THSD7B: variants seen among roughly 807,000 people sequenced by gnomAD.
The protein encoded by THSD7B is thrombospondin type 1 domain containing 7B, also known as thrombospondin type-1 domain-containing protein 7B.
THSD7B carries 138 observed loss-of-function variants against 213.6 expected under a neutral mutation model. That is an observed-to-expected ratio of 0.65 (90% CI 0.56 to 0.74). THSD7B has a LOEUF of 0.74. Among genes scored for constraint, THSD7B ranks in the 30% least tolerant of loss-of-function variants. The probability of loss-of-function intolerance (pLI) is 0.00; values close to 1 mark genes in which losing one functional copy is unlikely to be tolerated. For missense variants in THSD7B, 1,931 were observed against 1,991.5 expected (o/e 0.97, Z 0.58); for synonymous variants, 742 against 687.0 (o/e 1.08, Z -1.25).
intron 7 of THSD7B, among the ~76,000 whole-genome samples, chr2:137,195,298 A>G (rs754950100): frequency 2.0e-5 from 3 of 151,886 alleles, no homozygotes; most frequent in Non-Finnish European, 4.4e-5. Context: ...ACATATATCA[A>G]TTTTTCAGCT....
chr2:137,356,451 TCC>T (rs1349050010), intron 12 of THSD7B, among the ~76,000 whole-genome samples: 5 of 152,184 alleles, frequency 3.3e-5, no homozygotes, highest in African/African-American at 1.2e-4. Context: ...TGTCTTTAAG[TCC>T]AAAAGATGTC....
At chr2:136,926,649 A>G (rs1404915108) in intron 2 of THSD7B, among the ~76,000 whole-genome samples, 1 of 152,002 alleles carries the variant, frequency 6.6e-6, no homozygotes, top group Admixed American at 6.6e-5. Flanking sequence ...AGCCATGATC[A>G]TGCCACTGTA....
At position 137,199,307 on chromosome 2, in the gene THSD7B, A is replaced by G. The variant is rs1162344772; in HGVS notation, c.1723+28369A>G. ...TTTTCTCACTCTAAAAATATGAAGT[A>G]TAGAAATGTATGCCCACTGTAAATA... On this transcript the variant is annotated intron_variant, in intron 7 of 27. Transcript: ENST00000409968. 4.6e-5 allele frequency among the ~76,000 whole-genome samples: 7 copies of G among 152,190 alleles called. No homozygotes were observed. The South Asian group carries it at 6.2e-4, about 14-fold the overall frequency.
At chr2:137,070,530 T>C (rs1044834853) in intron 3 of THSD7B, among the ~76,000 whole-genome samples, 16 of 151,482 alleles carry the variant, frequency 1.1e-4, no homozygotes, top group South Asian at 6.2e-4. Flanking sequence ...TATTGCCAAA[T>C]TCTCTTTTTT....
intron 2 of THSD7B, among the ~76,000 whole-genome samples, chr2:136,914,574 G>T (rs997794833): frequency 1.3e-5 from 2 of 152,138 alleles, no homozygotes; most frequent in African/African-American, 4.8e-5. Context: ...AATCATGGGA[G>T]CCCGTCTTTC....
chr2:136,877,658 C>T lies in THSD7B; in HGVS notation c.-35-4486C>T, dbSNP rs1211103331. The stretch of plus-strand genomic sequence containing the variant: ...ATTTTTACTGATTTGTACTTTGCTA[C>T]CGTACCCTTGGAGTGTTCTAGGAAT... On this transcript the variant is annotated intron_variant, in intron 1 of 27. Transcript: ENST00000409968. 2.6e-5 allele frequency among the ~76,000 whole-genome samples: 4 copies of T among 152,146 alleles called. No homozygotes were observed. The East Asian group carries it at 7.7e-4, about 29-fold the overall frequency.
At chr2:137,557,814 C>T (rs949813626) in intron 15 of THSD7B, among the ~76,000 whole-genome samples, 1 of 152,136 alleles carries the variant, frequency 6.6e-6, no homozygotes, top group African/African-American at 2.4e-5. Flanking sequence ...TGATAGACCA[C>T]TAGCAAGACT....
intron 17 of THSD7B, among the ~76,000 whole-genome samples, chr2:137,611,721 C>A (rs1682293004): frequency 6.6e-6 from 1 of 152,164 alleles, no homozygotes; most frequent in Admixed American, 6.6e-5. Flanking sequence ...TATCTTCCAA[C>A]ACATATAAAA....
rs112927580 is a variant in THSD7B at position 137,609,954 on chromosome 2, A to G, written c.3424-6221A>G. Among the ~76,000 whole-genome samples, 964 of 152,252 alleles carry G rather than the reference A, an allele frequency of 6.3e-3. 13 individuals are homozygous for G. The highest frequency in any genetic ancestry group is 0.022 in the African/African-American group (925 of 41,548). ...TGCTCAGGTTTGGGTTGTAAGGTGT[A>G]AGAAAAATAAGGGAGTCAAAATTGA... is the stretch of plus-strand genomic sequence containing the variant. On this transcript the variant is annotated intron_variant, in intron 17 of 27. Coordinates refer to ENST00000409968, the MANE Select transcript of THSD7B (RefSeq NM_001316349.2).
chr2:137,149,705 T>C (rs1221350040), intron 5 of THSD7B, among the ~76,000 whole-genome samples: 1 of 152,226 alleles, frequency 6.6e-6, no homozygotes, highest in Non-Finnish European at 1.5e-5. Context: ...GATTTCAGAC[T>C]TGCATGGGGC....
chr2:137,407,556 G>C (rs76136761), intron 13 of THSD7B, among the ~76,000 whole-genome samples: 1 of 151,910 alleles, frequency 6.6e-6, no homozygotes, highest in Non-Finnish European at 1.5e-5. Context: ...TGAAACTAAT[G>C]CTTGTATTTT....
intron 21 of THSD7B, among the ~76,000 whole-genome samples, chr2:137,653,754 T>C (rs1683180685): frequency 6.6e-6 from 1 of 151,596 alleles, no homozygotes; most frequent in Non-Finnish European, 1.5e-5. Flanking sequence ...GTTGTTTCAA[T>C]ATTTCTATTT....
intron 7 of THSD7B, among the ~76,000 whole-genome samples, chr2:137,201,302 A>C (rs1401380563): frequency 1.3e-5 from 2 of 152,072 alleles, no homozygotes; most frequent in African/African-American, 4.8e-5. Flanking sequence ...CACGCACCAC[A>C]TTTTCATTAT....
chr2:137,630,917 A>G lies in THSD7B; in HGVS notation c.3799+10191A>G, dbSNP rs113515252. Among the ~76,000 whole-genome samples the G allele has an allele frequency of 7.4e-3, 1,130 of 152,270 alleles. 12 individuals are homozygous for G. The highest frequency in any genetic ancestry group is 0.025 in the African/African-American group (1,055 of 41,536). Reference sequence around the variant, plus strand: ...ATCAAAAACAAAAGTTCGCACAATTATCTTTTTTTCTGCATTCGCTGAGTT... The same window carrying G: ...ATCAAAAACAAAAGTTCGCACAATTGTCTTTTTTTCTGCATTCGCTGAGTT... On this transcript the variant is annotated intron_variant, in intron 20 of 27. Transcript: ENST00000409968.
intron 17 of THSD7B, among the ~76,000 whole-genome samples, chr2:137,591,092 T>A (rs1340995564): frequency 6.6e-6 from 1 of 151,938 alleles, no homozygotes; most frequent in African/African-American, 2.4e-5. Context: ...TTGGTTAGAT[T>A]TGTTAAAAGT....
chr2:136,811,148 C>T (rs1479838630), intron 1 of THSD7B, among the ~76,000 whole-genome samples: 2 of 152,202 alleles, frequency 1.3e-5, no homozygotes, highest in Non-Finnish European at 2.9e-5. Context: ...CTAGTGTCCT[C>T]TTCCACTGCG....
chr2:136,914,496 A>G (rs1368264325), intron 2 of THSD7B, among the ~76,000 whole-genome samples: 1 of 152,330 alleles, frequency 6.6e-6, no homozygotes, highest in Non-Finnish European at 1.5e-5. Flanking sequence ...CCCCACCAAA[A>G]TCTCAACTTG....
At chr2:136,777,219 G>C (rs1246979290) in intron 1 of THSD7B, among the ~76,000 whole-genome samples, 1 of 152,074 alleles carries the variant, frequency 6.6e-6, no homozygotes, top group East Asian at 1.9e-4. Flanking sequence ...TGAAACGGTG[G>C]GTGATGTAGT....
At chr2:136,982,404 T>A (rs973177476) in intron 2 of THSD7B, among the ~76,000 whole-genome samples, 2 of 152,038 alleles carry the variant, frequency 1.3e-5, no homozygotes, top group Non-Finnish European at 2.9e-5. Context: ...GCACAGGGGA[T>A]CCTCCTATCT....
Sources: allele counts gnomAD v4.1 joint callset (sites outside exome capture counted in the v4.1 genomes callset), GRCh38; gene constraint gnomAD v4.1.1; transcripts MANE v1.5; gene names NCBI Gene and HGNC (gene_info 2026-07-23, HGNC 2026-07-21).